The following PHF2 variants were observed in gnomAD, a reference collection of about 807,000 sequenced individuals.
The protein encoded by PHF2 is lysine-specific demethylase PHF2.
PHF2 carries 27 observed loss-of-function variants against 120.5 expected under a neutral mutation model. The observed-to-expected ratio is 0.22, with a 90% CI of 0.17 to 0.31. The LOEUF is 0.31. PHF2 is among the 10% of genes least tolerant of loss of function. PHF2 has a pLI of 1.00. For missense variants in PHF2, 1,024 were observed against 1,434.8 expected (o/e 0.71, Z 4.63); for synonymous variants, 568 against 592.5 (o/e 0.96, Z 0.60).
At chr9:93,642,666 G>A (rs1243004222) in intron 3 of PHF2, among the ~76,000 whole-genome samples, 1 of 152,162 alleles carries the variant, frequency 6.6e-6, no homozygotes, top group African/African-American at 2.4e-5. Flanking sequence ...ATGAGTGTAC[G>A]ATATTGCCTC....
At chr9:93,585,671 C>T (rs1341663254) in intron 1 of PHF2, among the ~76,000 whole-genome samples, 1 of 152,230 alleles carries the variant, frequency 6.6e-6, no homozygotes, top group East Asian at 1.9e-4. Flanking sequence ...ATACACCCAC[C>T]CCTGGGGCTG....
At chr9:93,645,494 G>A in intron 3 of PHF2, 135 bp from the exon 4 acceptor site, 1 of 877,928 alleles carries the variant, frequency 1.1e-6, no homozygotes. Context: ...ACCACGGCCA[G>A]GCCTCCTCCT....
chr9:93,636,632 C>A, intron 3 of PHF2, 107 bp downstream of exon 3: 1 of 859,704 alleles, frequency 1.2e-6, no homozygotes, highest in Non-Finnish European at 1.8e-6. Flanking sequence ...GCTATCCTTG[C>A]TGGAAAGCAG....
chr9:93,603,762 AC>A (rs1825488430), intron 1 of PHF2, among the ~76,000 whole-genome samples: 1 of 151,870 alleles, frequency 6.6e-6, no homozygotes, highest in Non-Finnish European at 1.5e-5. Context: ...ACACCTACCT[AC>A]CTGGGGAAGC....
rs557932280 is a variant in PHF2 at position 93,641,938 on chromosome 9, C to T, written c.300-3691C>T. 6.6e-5 allele frequency among the ~76,000 whole-genome samples: 10 copies of T among 152,124 alleles called. No homozygotes were observed. In the South Asian group the frequency reaches 1.0e-3, roughly 16 times the overall value. Reference sequence around the variant, plus strand: ...AGCTTTTATATTTAGGTCTTTGACTCATTTTGATTGAATTTTTGTATACTA... The same window carrying T: ...AGCTTTTATATTTAGGTCTTTGACTTATTTTGATTGAATTTTTGTATACTA... On this transcript the variant is annotated intron_variant, in intron 3 of 21. Transcript: ENST00000359246.
In PHF2 at chr9:93,663,631, C is replaced by A. The variant is rs757395603; in HGVS notation, c.1933C>A (p.Leu645Ile). The change falls in exon 14 of 22, where the codon CTC becomes ATC. Residue 645 changes from leucine to isoleucine, a missense_variant. Physicochemically the swap from Leu to Ile is conservative, Grantham distance 5 (BLOSUM62 2). This residue lies in a region of PHF2 where 677 missense variants were observed against 857.4 expected (regional missense o/e 0.79). Transcript: ENST00000359246. ...TTTTTCTTTCTCCAACAAGAAACTC[C>A]TCGGGTATGTGAGTGCCTGGATGGG... is the stretch of plus-strand genomic sequence containing the variant. The part of the protein sequence containing the change: ...FSFSFSNKKL[L>I]GSKALRPPTS... 6.2e-7 allele frequency: 1 copy of A among 1,602,712 alleles called. No individual in the cohort carries two copies.
At chr9:93,674,857 AC>A (rs1376732074) in intron 18 of PHF2, 69 bp from the exon 19 acceptor site, 40 of 1,096,312 alleles carry the variant, frequency 3.6e-5, no homozygotes, top group Non-Finnish European at 4.3e-5. Flanking sequence ...AGCCACCTGT[AC>A]CCCCCCGCCC....
At chr9:93,648,582 T>C (rs1230120166) in intron 4 of PHF2, among the ~76,000 whole-genome samples, 2 of 152,240 alleles carry the variant, frequency 1.3e-5, no homozygotes, top group African/African-American at 2.4e-5. Flanking sequence ...CCTCCTCAGC[T>C]CATCTGGTTA....
intron 1 of PHF2, chr9:93,594,784 C>A (rs1253600253): frequency 6.6e-6 from 1 of 152,220 alleles, no homozygotes; most frequent in Admixed American, 6.5e-5. Flanking sequence ...TAGTCCACAC[C>A]GGCTGAGGAC....
intron 1 of PHF2, among the ~76,000 whole-genome samples, chr9:93,608,571 C>T (rs953335719): frequency 5.3e-5 from 8 of 151,854 alleles, no homozygotes; most frequent in Admixed American, 3.3e-4. Context: ...TCTGTCTGAG[C>T]CTGGTGCTTT....
chr9:93,649,025 G>A, intron 4 of PHF2, 46 bp from the exon 5 acceptor site: 1 of 1,548,508 alleles, frequency 6.5e-7, no homozygotes, highest in South Asian at 1.2e-5. Flanking sequence ...CAGGGAGGCT[G>A]TGCCGCCTTC....
intron 17 of PHF2, among the ~76,000 whole-genome samples, chr9:93,670,550 T>A (rs1826763295): frequency 6.6e-6 from 1 of 151,714 alleles, no homozygotes; most frequent in Admixed American, 6.6e-5. Context: ...CTGCAGGGGG[T>A]TGTGGGCGGT....
At chr9:93,650,330 C>T (rs2117910180) in intron 5 of PHF2, among the ~76,000 whole-genome samples, 1 of 152,272 alleles carries the variant, frequency 6.6e-6, no homozygotes, top group Middle Eastern at 3.4e-3. Context: ...ATGACACACA[C>T]ACATCCCTGA....
At chr9:93,617,560 C>T (rs1647570705) in intron 1 of PHF2, among the ~76,000 whole-genome samples, 1 of 152,130 alleles carries the variant, frequency 6.6e-6, no homozygotes, top group African/African-American at 2.4e-5. Context: ...ACTCCCCGCC[C>T]CCGAAGCCTT....
chr9:93,633,308 CACAG>C (rs148558560), intron 2 of PHF2, among the ~76,000 whole-genome samples: 4,372 of 152,308 alleles, frequency 0.029, 202 homozygotes, highest in African/African-American at 0.098. Flanking sequence ...ACCTGACTGA[CACAG>C]ATTTGGTACA....
intron 17 of PHF2, among the ~76,000 whole-genome samples, chr9:93,668,902 G>T (rs1826731363): frequency 6.6e-6 from 1 of 152,198 alleles, no homozygotes; most frequent in African/African-American, 2.4e-5. Context: ...AGTTTTTGAT[G>T]GTCTATTTGC....
rs576235201 is a variant in PHF2 at position 93,636,445 on chromosome 9, G to C, written c.219G>C (p.Pro73=). ...KKKRTWHKHG[P]GQAPDVKPVQ... is the part of the protein sequence containing the mutation. ...AGCGGACCTGGCACAAACACGGCCC[G>C]GGGCAAGCGCCTGACGTCAAGCCCG... Residue 73 remains proline (P), a synonymous_variant, in exon 3 of 22, where the codon CCG becomes CCC. Transcript: ENST00000359246. The C allele has an allele frequency of 1.9e-6, 3 of 1,610,306 alleles. No individual in the cohort carries two copies. The South Asian group carries it at 3.3e-5, about 18-fold the overall frequency.
intron 1 of PHF2, among the ~76,000 whole-genome samples, chr9:93,605,748 T>G (rs1206500837): frequency 6.6e-6 from 1 of 152,240 alleles, no homozygotes; most frequent in Non-Finnish European, 1.5e-5. Context: ...GATAGTTCTT[T>G]TTAGCACTGA....
intron 17 of PHF2, among the ~76,000 whole-genome samples, chr9:93,667,492 A>G (rs1166285171): frequency 6.6e-6 from 1 of 152,168 alleles, no homozygotes; most frequent in African/African-American, 2.4e-5. Flanking sequence ...TTTCAATTTT[A>G]TGTGCCGAGA....
Sources: gnomAD v4.1 joint callset for allele counts (sites outside exome capture counted in the v4.1 genomes callset) on GRCh38, gnomAD v4.1.1 for gene constraint, gnomAD v4.1.1 regional missense constraint, MANE v1.5 for transcripts, NCBI Gene and HGNC (gene_info 2026-07-23, HGNC 2026-07-21) for gene names.